The following SENP3 variants were observed in gnomAD, a reference collection of about 807,000 sequenced individuals.
SENP3 encodes SUMO specific peptidase 3.
A neutral mutation model predicts 66.2 loss-of-function variants in SENP3; 11 were observed. The ratio of observed to expected loss-of-function variants is 0.17; its 90% confidence interval spans 0.10 to 0.28. SENP3 has a LOEUF of 0.28. SENP3 is among the 10% of genes least tolerant of loss of function. The pLI, the probability that SENP3 is intolerant of heterozygous loss-of-function variation, is 1.00. For missense variants in SENP3, 548 were observed against 743.7 expected, an observed-to-expected ratio of 0.74 and a Z score of 3.06; for synonymous variants, 292 against 277.6, an observed-to-expected ratio of 1.05 and a Z score of -0.52.
In SENP3 at chr17:7,570,300, T is replaced by C. The variant is rs752820914; in HGVS notation, c.1342-56T>C. On this transcript the variant is annotated intron_variant, in intron 7 of 10. Transcript: ENST00000321337. The surrounding 1 kb of genome is among the most constrained non-coding windows in gnomAD (Gnocchi z 5.4). Reference sequence around the variant, plus strand: ...TCTCTGTTCCTCTCTAGAACCTTCATGGCAAAAGGCAAGACTTCTGTTTGT... The same window carrying C: ...TCTCTGTTCCTCTCTAGAACCTTCACGGCAAAAGGCAAGACTTCTGTTTGT... 14 of 1,588,746 alleles carry C rather than the reference T, an allele frequency of 8.8e-6. No individual in the cohort carries two copies. Among genetic ancestry groups the C allele is most frequent in the Non-Finnish European group, 1.2e-5 (14 of 1,161,964 alleles).
At chr17:7,569,070 G>A (rs1048583041) in intron 7 of SENP3, among the ~76,000 whole-genome samples, 2 of 152,186 alleles carry the variant, frequency 1.3e-5, no homozygotes, top group Admixed American at 1.3e-4. Flanking sequence ...ATTTTGTGTT[G>A]TGAGAGTATA....
In SENP3 at chr17:7,568,386, A is replaced by G. The variant is rs144063411; in HGVS notation, c.1341+1382A>G. On this transcript the variant is annotated intron_variant, in intron 7 of 10. Coordinates refer to ENST00000321337, the MANE Select transcript of SENP3 (RefSeq NM_015670.6). Reference sequence around the variant, plus strand: ...GCTGAGGCAGATGGATCGCAAGGTCAAGAGATTGAGACCAGCCTGGCCGAC... The same window carrying G: ...GCTGAGGCAGATGGATCGCAAGGTCGAGAGATTGAGACCAGCCTGGCCGAC... 5.1e-3 allele frequency among the ~76,000 whole-genome samples: 774 copies of G among 152,330 alleles called. 7 individuals carry two copies. The highest frequency in any genetic ancestry group is 0.017 in the African/African-American group (711 of 41,574).
At chr17:7,568,696 C>T (rs2071287623) in intron 7 of SENP3, among the ~76,000 whole-genome samples, 1 of 152,156 alleles carries the variant, frequency 6.6e-6, no homozygotes, top group Non-Finnish European at 1.5e-5. Flanking sequence ...GTACCTTTCC[C>T]TGTGCATCTT....
intron 2 of SENP3, 36 bp downstream of exon 2, chr17:7,563,827 G>A (rs2071245031): frequency 6.8e-7 from 1 of 1,477,028 alleles, no homozygotes; most frequent in Non-Finnish European, 9.1e-7. Flanking sequence ...TGCGGGGGAG[G>A]GGTTAGGGAG....
At position 7,570,802 on chromosome 17, in the gene SENP3, G is replaced by A; in HGVS notation, c.1563+38G>A. The A allele has an allele frequency of 6.2e-7, 1 of 1,603,512 alleles. No individual in the cohort carries two copies. The highest frequency in any genetic ancestry group is 8.5e-7 in the Non-Finnish European group (1 of 1,173,868). On this transcript the variant is annotated intron_variant, in intron 9 of 10. Coordinates refer to ENST00000321337, the MANE Select transcript of SENP3 (RefSeq NM_015670.6). This position sits in a 1 kb window ranked among gnomAD's most constrained non-coding sequence, Gnocchi z 5.4. ...AGGGAGGGGTATAGGGTGTTGGTGGGGACAGTGGTAGAAGGCAGAAATTGA... is the reference window on the plus strand; with the variant it reads ...AGGGAGGGGTATAGGGTGTTGGTGGAGACAGTGGTAGAAGGCAGAAATTGA...
At chr17:7,571,285 C>A in intron 10 of SENP3, 88 bp from the exon 11 acceptor site, 1 of 1,011,334 alleles carries the variant, frequency 9.9e-7, no homozygotes, top group Non-Finnish European at 1.5e-6. Context: ...GGGATGTTCT[C>A]TGAAGGATGG....
intron 6 of SENP3, 146 bp from the exon 7 acceptor site, chr17:7,566,781 G>A (rs1227686702): frequency 1.5e-6 from 1 of 648,750 alleles, no homozygotes; most frequent in Non-Finnish European, 2.7e-6. Flanking sequence ...ACCAACCTGG[G>A]CAACATAGTG....
chr17:7,565,598 G>A lies in SENP3; in HGVS notation c.1215+11G>A, dbSNP rs2071261117. The A allele has an allele frequency of 1.9e-6, 3 of 1,613,710 alleles. No homozygotes were observed. Among genetic ancestry groups the A allele is most frequent in the African/African-American group, 1.3e-5 (1 of 74,912 alleles). ...TGGCTCAATGACCAGGTGAGAAAGG[G>A]TAGAGAAACAGGCCTGAGAGGGGAT... is the stretch of plus-strand genomic sequence containing the variant. On this transcript the variant is annotated intron_variant, in intron 5 of 10. Coordinates refer to ENST00000321337, the MANE Select transcript of SENP3 (RefSeq NM_015670.6).
chr17:7,566,779 G>C, intron 6 of SENP3, 148 bp from the exon 7 acceptor site: 1 of 643,708 alleles, frequency 1.6e-6, no homozygotes, highest in Non-Finnish European at 2.7e-6. Context: ...AGACCAACCT[G>C]GGCAACATAG....
intron 7 of SENP3, among the ~76,000 whole-genome samples, chr17:7,569,335 A>G (rs2071293226): frequency 1.4e-5 from 2 of 146,066 alleles, no homozygotes; most frequent in African/African-American, 2.5e-5. Context: ...CAGTGAGGCA[A>G]GATCACGCCA....
chr17:7,571,212 G>GATT (rs1257539671), intron 10 of SENP3, among the ~76,000 whole-genome samples, 161 bp from the exon 11 acceptor site: 1 of 152,144 alleles, frequency 6.6e-6, no homozygotes, highest in Non-Finnish European at 1.5e-5. Context: ...TATCAAGTAA[G>GATT]AACACTAGCT....
At position 7,570,252 on chromosome 17, in the gene SENP3, T is replaced by G; in HGVS notation, c.1342-104T>G. ...ATCTAGGCCTTGGGTCTTCTGTTCTTTCACTTGGTTCCCTTACCTGTGTCT... is the reference window on the plus strand; with the variant it reads ...ATCTAGGCCTTGGGTCTTCTGTTCTGTCACTTGGTTCCCTTACCTGTGTCT... On this transcript the variant is annotated intron_variant, in intron 7 of 10. Transcript: ENST00000321337. This position sits in a 1 kb window ranked among gnomAD's most constrained non-coding sequence, Gnocchi z 5.4. The G allele has an allele frequency of 7.1e-7, 1 of 1,413,574 alleles. No homozygotes were observed. Among genetic ancestry groups the G allele is most frequent in the Non-Finnish European group, 9.7e-7 (1 of 1,033,686 alleles). The allele number at this position is 1,413,574 out of a possible 1,614,324, so 87.6% of individuals were successfully genotyped here. A position where few individuals can be genotyped will look rare whatever the true frequency, so the allele number is the denominator to read the frequency against.
chr17:7,571,434 T>TTC lies in SENP3; in HGVS notation c.1677_1678dup (p.Arg560LeufsTer125). The TTC allele has an allele frequency of 1.2e-6, 2 of 1,608,240 alleles. No homozygotes were observed. The highest frequency in any genetic ancestry group is 1.7e-5 in the Admixed American group (1 of 59,156). On this transcript the variant is annotated frameshift_variant, in exon 11 of 11. Transcript: ENST00000321337. LOFTEE classifies it high-confidence loss of function. ...TTCACCCAGCAGGACATGCCCAAAC[T>TTC]TCGTCGGCAGATCTACAAGGAGCTG...
chr17:7,563,738 T>A lies in SENP3; in HGVS notation c.662T>A (p.Met221Lys). The change falls in exon 2 of 11, where the codon ATG (methionine) becomes AAG (lysine). Residue 221 changes from methionine (M) to lysine (K), a missense_variant. By Grantham distance (95) the Met-to-Lys change is moderately conservative (BLOSUM62 -1). This residue lies in a region of SENP3 where 215 missense variants were observed against 230.7 expected (regional missense o/e 0.93). Transcript: ENST00000321337. ...GSPPVPSGPP[M>K]EEDGLRWTPK... ...CCACCAGTGCCCTCTGGGCCCCCCA[T>A]GGAGGAAGATGGACTCAGGTGGACT... The A allele has an allele frequency of 6.3e-7, 1 of 1,598,920 alleles. No homozygotes were observed. Among genetic ancestry groups the A allele is most frequent in the Non-Finnish European group, 8.5e-7 (1 of 1,172,534 alleles).
In SENP3 at chr17:7,570,561, AGGGTGGGCTTT is replaced by A; in HGVS notation, c.1479+73_1479+83del. 1.3e-6 allele frequency: 2 copies of A among 1,579,540 alleles called. No homozygotes were observed. Among genetic ancestry groups the A allele is most frequent in the Non-Finnish European group, 1.7e-6 (2 of 1,160,174 alleles). ...GCAGTGGCAAGGCATTGCAGGAAGA[AGGGTGGGCTTT>A]GGGTCTTTGAGGGGCGACCTGGGCA... On this transcript the variant is annotated intron_variant, in intron 8 of 10. Transcript: ENST00000321337. This position sits in a 1 kb window ranked among gnomAD's most constrained non-coding sequence, Gnocchi z 5.4.
At chr17:7,567,770 A>G (rs1446249433) in intron 7 of SENP3, among the ~76,000 whole-genome samples, 1 of 152,196 alleles carries the variant, frequency 6.6e-6, no homozygotes, top group Non-Finnish European at 1.5e-5. Context: ...GTCAGAGAGT[A>G]GATCATGTAA....
chr17:7,571,005 C>T (rs780876033), intron 10 of SENP3, 72 bp downstream of exon 10: 7 of 1,337,080 alleles, frequency 5.2e-6, no homozygotes, highest in South Asian at 1.3e-5. Context: ...GGCTGTTATG[C>T]ATCCCCTCAT....
rs564295889 is a variant in SENP3 at position 7,565,780 on chromosome 17, T to C, written c.1263+16T>C. 2 of 1,613,092 alleles carry C rather than the reference T, an allele frequency of 1.2e-6. No homozygotes were observed. Among genetic ancestry groups the C allele is most frequent in the South Asian group, 1.1e-5 (1 of 91,062 alleles). ...CCCTGAAAAGGTAGGCCCAACCAGA[T>C]AGGTCAGTACCCAGAGGAACTTCTG... On this transcript the variant is annotated intron_variant, in intron 6 of 10. Coordinates refer to ENST00000321337, the MANE Select transcript of SENP3 (RefSeq NM_015670.6).
At chr17:7,564,403 C>G in intron 2 of SENP3, 1 of 724,834 alleles carries the variant, frequency 1.4e-6, no homozygotes. Context: ...TTCTTCCTGT[C>G]TATGAGTAGG....
Sources: allele counts gnomAD v4.1 joint callset (sites outside exome capture counted in the v4.1 genomes callset), GRCh38; gene constraint gnomAD v4.1.1; regional missense constraint gnomAD v4.1.1; non-coding constraint Gnocchi (gnomAD v3.1); transcripts MANE v1.5; gene names NCBI Gene and HGNC (gene_info 2026-07-23, HGNC 2026-07-21).